The following SAMD8 variants were observed in gnomAD, a reference collection of about 807,000 sequenced individuals.
SAMD8 encodes sphingomyelin synthase-related protein 1.
Under a neutral mutation model 42.0 loss-of-function variants are expected in SAMD8, and 20 were observed. The observed-to-expected ratio is 0.48, with a 90% CI of 0.34 to 0.69. The LOEUF (loss-of-function observed/expected upper bound fraction) is 0.69. Ranked by LOEUF, SAMD8 falls within the 30% of genes least tolerant of loss-of-function variation. SAMD8 has a pLI of 0.01. For missense variants in SAMD8, 328 were observed against 511.6 expected, an observed-to-expected ratio of 0.64 and a Z score of 3.46; for synonymous variants, 162 against 173.0, an observed-to-expected ratio of 0.94 and a Z score of 0.50.
At chr10:75,117,747 C>T (rs1187797002) in intron 1 of SAMD8, among the ~76,000 whole-genome samples, 3 of 152,096 alleles carry the variant, frequency 2.0e-5, no homozygotes, top group Non-Finnish European at 2.9e-5. Context: ...AAAGATTTTA[C>T]CAAATTGATA....
chr10:75,111,669 G>T lies in SAMD8; in HGVS notation c.-69G>T. On this transcript the variant is annotated 5_prime_UTR_variant, in exon 1 of 6. Coordinates refer to ENST00000542569, the MANE Select transcript of SAMD8 (RefSeq NM_001174156.2). ...GGGGAGGGCCCCGGACTCCGACGGC[G>T]GCTCGGACGCCGACTCGGAGGTGGG... 8.1e-7 allele frequency: 1 copy of T among 1,239,618 alleles called. No individual in the cohort carries two copies. Among genetic ancestry groups the T allele is most frequent in the Admixed American group, 4.2e-5 (1 of 23,732 alleles). 76.8% of individuals were successfully genotyped at this position (1,239,618 alleles called of 1,614,324 possible). A position where few individuals can be genotyped will look rare whatever the true frequency, so the allele number is the denominator to read the frequency against.
In SAMD8 at chr10:75,150,899, C is replaced by T. The variant is rs2134482941; in HGVS notation, c.371C>T (p.Thr124Ile). Residue 124 changes from threonine (T) to isoleucine (I), a missense_variant, in exon 2 of 6, where the codon ACT becomes ATT. By Grantham distance (89) the Thr-to-Ile change is moderately conservative (BLOSUM62 -1). This residue lies in a region of SAMD8 where 150 missense variants were observed against 186.0 expected (regional missense o/e 0.81). Transcript: ENST00000542569. ...TCCCATGACTGTGACGGACCCATAA[C>T]TGACTTGAATTCTGATCAGTACCAG... is the stretch of plus-strand genomic sequence containing the variant. ...ELSHDCDGPI[T>I]DLNSDQYQYM... is the part of the protein sequence containing the mutation. 2 of 1,612,336 alleles carry T rather than the reference C, an allele frequency of 1.2e-6. No individual in the cohort carries two copies. The highest frequency in any genetic ancestry group is 1.7e-6 in the Non-Finnish European group (2 of 1,179,100).
intron 2 of SAMD8, 161 bp from the exon 3 acceptor site, chr10:75,164,484 C>T: frequency 2.0e-6 from 2 of 982,138 alleles, no homozygotes; most frequent in Non-Finnish European, 2.4e-6. Context: ...TACTTTATGA[C>T]ACAGATTTTT....
upstream of SAMD8, among the ~76,000 whole-genome samples, chr10:75,107,121 A>G (rs568634654): frequency 1.3e-5 from 2 of 152,286 alleles, no homozygotes; most frequent in Admixed American, 6.5e-5. Context: ...AGATCACTTG[A>G]GGTTAGGAGT....
rs1159342447 is a variant in SAMD8 at position 75,105,715 on chromosome 10, T to C, written c.-16+5987T>C. On this transcript the variant is annotated intron_variant, in intron 1 of 3. Transcript: ENST00000447533. ...CAGTTGCTGGTCCAGCCTGCAGAGC[T>C]GGTGCAGGAAGCCTCGGTTGGGGAA... is the stretch of plus-strand genomic sequence containing the variant. The C allele has an allele frequency of 5.8e-6, 9 of 1,553,590 alleles. No individual in the cohort carries two copies. The Admixed American group carries it at 1.7e-4, about 30-fold the overall frequency.
At chr10:75,160,381 A>G (rs1352201145) in intron 2 of SAMD8, among the ~76,000 whole-genome samples, 1 of 137,122 alleles carries the variant, frequency 7.3e-6, no homozygotes, top group Non-Finnish European at 1.6e-5. Flanking sequence ...TTTTTTTTGT[A>G]TTTTTTAGTA....
chr10:75,154,626 A>T (rs1347674846), intron 2 of SAMD8, among the ~76,000 whole-genome samples: 7 of 152,096 alleles, frequency 4.6e-5, no homozygotes, highest in Admixed American at 1.3e-4. Context: ...GAGTTGAGGG[A>T]TCTAACTTCT....
chr10:75,143,795 A>G (rs1840073231), intron 1 of SAMD8, among the ~76,000 whole-genome samples: 2 of 151,838 alleles, frequency 1.3e-5, no homozygotes, highest in South Asian at 4.2e-4. Context: ...ACACATGTTT[A>G]TGGTTTTCAC....
chr10:75,105,625 G>C, intron 1 of SAMD8: 1 of 1,536,370 alleles, frequency 6.5e-7, no homozygotes, highest in African/African-American at 1.4e-5. Flanking sequence ...GCCTCTTCCG[G>C]CCAACCACAT....
chr10:75,133,138 C>T (rs535400287), intron 1 of SAMD8, among the ~76,000 whole-genome samples: 10 of 152,216 alleles, frequency 6.6e-5, no homozygotes, highest in Admixed American at 3.9e-4. Flanking sequence ...TGGTGACTCA[C>T]GCCTGTAATC....
rs1325826383 is a variant in SAMD8 at position 75,176,663 on chromosome 10, C to G, written c.1219C>G (p.Pro407Ala). 1 of 1,539,484 alleles carries G rather than the reference C, an allele frequency of 6.5e-7. No homozygotes were observed. Among genetic ancestry groups the G allele is most frequent in the East Asian group, 2.4e-5 (1 of 40,862 alleles). ...PNEYCWPFSK[P>A]AIMKRLIG ...TGAATATTGTTGGCCATTTTCAAAA[C>G]CAGCAATAATGAAAAGACTAATTGG... The change falls in exon 6 of 6, where the codon CCA becomes GCA. Residue 407 changes from proline to alanine, a missense_variant. Around this residue, in one of 2 missense-constraint regions of SAMD8, gnomAD observed 178 missense variants for 325.6 expected, o/e 0.55. Coordinates refer to ENST00000542569, the MANE Select transcript of SAMD8 (RefSeq NM_001174156.2). The surrounding 1 kb of genome is among the most constrained non-coding windows in gnomAD (Gnocchi z 4.3).
In SAMD8 at chr10:75,181,730, A is replaced by G. The variant is rs867694746; in HGVS notation, c.*5038A>G. Reference sequence around the variant, plus strand: ...CTGGAGAATTGAACATAGCCAAGCAATATTATCAATTAGTAATGTCATCTT... The same window carrying G: ...CTGGAGAATTGAACATAGCCAAGCAGTATTATCAATTAGTAATGTCATCTT... On this transcript the variant is annotated 3_prime_UTR_variant, in exon 6 of 6. Transcript: ENST00000542569. 1 of 152,230 alleles carries G rather than the reference A, an allele frequency of 6.6e-6. No homozygotes were observed. The highest frequency in any genetic ancestry group is 1.5e-5 in the Non-Finnish European group (1 of 68,036). 9.4% of individuals were successfully genotyped at this position (152,230 alleles called of 1,614,324 possible).
intron 1 of SAMD8, among the ~76,000 whole-genome samples, chr10:75,113,802 T>G (rs537226423): frequency 6.6e-6 from 1 of 152,336 alleles, no homozygotes; most frequent in South Asian, 2.1e-4. Context: ...TTTGTTGGTT[T>G]TATCTTTAGA....
chr10:75,110,609 A>T (rs1358252682), upstream of SAMD8, among the ~76,000 whole-genome samples: 1 of 152,196 alleles, frequency 6.6e-6, no homozygotes, highest in Non-Finnish European at 1.5e-5. Context: ...GCTCGTGTCC[A>T]GGTTACAGCT....
intron 2 of SAMD8, 119 bp downstream of exon 2, chr10:75,151,225 T>C (rs902886861): frequency 5.9e-6 from 3 of 508,374 alleles, no homozygotes; most frequent in Non-Finnish European, 9.7e-6. Flanking sequence ...TTCCATTTGC[T>C]TTATCTGGCG....
At chr10:75,170,789 T>TG (rs1564696378) in intron 4 of SAMD8, among the ~76,000 whole-genome samples, 2 of 147,584 alleles carry the variant, frequency 1.4e-5, no homozygotes, top group Admixed American at 6.8e-5. Flanking sequence ...TTTTTTTTTT[T>TG]TTGAGGTGGA....
In SAMD8 at chr10:75,115,749, G is replaced by A. The variant is rs529636409; in HGVS notation, c.-16+4027G>A. Among the ~76,000 whole-genome samples, 1,507 of 152,142 alleles carry A rather than the reference G, an allele frequency of 9.9e-3. 27 individuals are homozygous for A. Among genetic ancestry groups the A allele is most frequent in the African/African-American group, 0.035 (1,435 of 41,520 alleles). Reference sequence around the variant, plus strand: ...AGGCCAGGAGATCGAGACCATCCTGGCGAACACGGTGAAACCCCGTCTCTA... The same window carrying A: ...AGGCCAGGAGATCGAGACCATCCTGACGAACACGGTGAAACCCCGTCTCTA... On this transcript the variant is annotated intron_variant, in intron 1 of 5. Coordinates refer to ENST00000542569, the MANE Select transcript of SAMD8 (RefSeq NM_001174156.2).
intron 2 of SAMD8, among the ~76,000 whole-genome samples, chr10:75,153,723 T>C (rs1167844694): frequency 1.3e-5 from 2 of 152,084 alleles, no homozygotes; most frequent in African/African-American, 4.8e-5. Context: ...ATACATCTCA[T>C]TTTGCTCCCT....
intron 1 of SAMD8, among the ~76,000 whole-genome samples, chr10:75,120,774 C>CTTTTTTTTTTTT (rs111866437): frequency 1.2e-5 from 1 of 80,140 alleles, no homozygotes; most frequent in Non-Finnish European, 2.2e-5. Context: ...TAATTTCCAT[C>CTTTTTTTTTTTT]TTTTTTTTTT....
Sources: gnomAD v4.1 joint callset for allele counts (sites outside exome capture counted in the v4.1 genomes callset) on GRCh38, gnomAD v4.1.1 for gene constraint, gnomAD v4.1.1 regional missense constraint, Gnocchi (gnomAD v3.1) non-coding constraint, MANE v1.5 for transcripts, NCBI Gene and HGNC (gene_info 2026-07-23, HGNC 2026-07-21) for gene names.